The following DEFB131A variants were observed in gnomAD, a reference collection of about 807,000 sequenced individuals.
DEFB131A encodes the protein beta-defensin 131A.
In DEFB131A, 5 loss-of-function variants were observed where a neutral mutation model predicts 2.4. That is an observed-to-expected ratio of 2.12 (90% CI 1.11 to 4.47). The LOEUF is 4.47. Ranked by LOEUF, DEFB131A falls within the 30% of genes most tolerant of loss-of-function variation. The pLI is 0.00. For synonymous variants in DEFB131A, 34 were observed against 25.7 expected, an observed-to-expected ratio of 1.32 and a Z score of -0.97; for missense variants, 120 against 79.9, an observed-to-expected ratio of 1.50 and a Z score of -1.91.
intron 1 of DEFB131A, 40 bp downstream of exon 1, chr4:9,444,631 T>C: frequency 6.3e-7 from 1 of 1,588,950 alleles, no homozygotes; most frequent in Non-Finnish European, 8.6e-7. Flanking sequence ...TCTAAAAATA[T>C]AAGTAAAAGA....
chr4:9,450,054 G>A (rs1296893841), intron 1 of DEFB131A, among the ~76,000 whole-genome samples: 13 of 151,998 alleles, frequency 8.6e-5, no homozygotes, highest in East Asian at 5.8e-4. Flanking sequence ...ATTATTTCCT[G>A]CATTATGAAT....
Position 9,450,598 on chromosome 4 carries a change from T to A in DEFB131A, c.*84T>A, listed in dbSNP as rs187067236. On this transcript the variant is annotated 3_prime_UTR_variant, in exon 2 of 2. Coordinates refer to ENST00000334879, the MANE Select transcript of DEFB131A (RefSeq NM_001040448.3). ...ATCTATGAATAATTAACATGATAGATGAAAATTATTATAATTGCATGTTTA... is the reference window on the plus strand; with the variant it reads ...ATCTATGAATAATTAACATGATAGAAGAAAATTATTATAATTGCATGTTTA... 517 of 1,499,988 alleles carry A rather than the reference T, an allele frequency of 3.4e-4. 3 individuals carry two copies. The African/African-American group carries it at 6.4e-3, about 19-fold the overall frequency. The allele number at this position is 1,499,988 out of a possible 1,614,324, so 92.9% of individuals were successfully genotyped here. A position where few individuals can be genotyped will look rare whatever the true frequency, so the allele number is the denominator to read the frequency against.
At chr4:9,450,228 C>A in intron 1 of DEFB131A, 132 bp from the exon 2 acceptor site, 2 of 1,085,308 alleles carry the variant, frequency 1.8e-6, no homozygotes, top group Non-Finnish European at 2.4e-6. Flanking sequence ...TTTTCTCTTG[C>A]ATTTTTTGCT....
intron 1 of DEFB131A, 143 bp from the exon 2 acceptor site, chr4:9,450,217 G>A (rs1220702043): frequency 3.7e-5 from 37 of 987,808 alleles, no homozygotes; most frequent in Middle Eastern, 3.6e-4. Flanking sequence ...GCATCTCCAC[G>A]TTTTCTCTTG....
intron 1 of DEFB131A, among the ~76,000 whole-genome samples, chr4:9,444,796 C>A (rs1389187942): frequency 2.0e-5 from 3 of 151,880 alleles, no homozygotes; most frequent in South Asian, 2.1e-4. Flanking sequence ...TCACTTGAGG[C>A]CGGGCACAGT....
chr4:9,447,161 T>A (rs1172613837), intron 1 of DEFB131A, among the ~76,000 whole-genome samples: 1 of 152,212 alleles, frequency 6.6e-6, no homozygotes, highest in Non-Finnish European at 1.5e-5. Flanking sequence ...ACCTAGATGA[T>A]CTGTTCAATG....
intron 1 of DEFB131A, among the ~76,000 whole-genome samples, chr4:9,445,865 T>C (rs1408078105): frequency 6.6e-6 from 1 of 152,172 alleles, no homozygotes; most frequent in Non-Finnish European, 1.5e-5. Context: ...GATCTAATTT[T>C]TGTCTCTATG....
chr4:9,448,620 A>C (rs1717567701), intron 1 of DEFB131A, among the ~76,000 whole-genome samples: 1 of 152,220 alleles, frequency 6.6e-6, no homozygotes. Context: ...CACCGCACCC[A>C]GCCTACCCTT....
intron 1 of DEFB131A, among the ~76,000 whole-genome samples, chr4:9,449,500 G>T: frequency 6.7e-6 from 1 of 150,258 alleles, no homozygotes; most frequent in African/African-American, 2.4e-5. Context: ...ACATGCAAAA[G>T]AATAAAACTG....
intron 1 of DEFB131A, among the ~76,000 whole-genome samples, chr4:9,444,999 G>C (rs138399907): frequency 6.6e-6 from 1 of 151,956 alleles, no homozygotes; most frequent in Non-Finnish European, 1.5e-5. Flanking sequence ...AGGATCGCTC[G>C]AGCCTGAGAT....
At chr4:9,450,286 A>G (rs771609335) in intron 1 of DEFB131A, 74 bp from the exon 2 acceptor site, 34 of 1,332,270 alleles carry the variant, frequency 2.6e-5, no homozygotes, top group Non-Finnish European at 3.2e-5. Flanking sequence ...TTAATTTATT[A>G]TAAAACATTT....
chr4:9,450,657 A>T lies in DEFB131A; in HGVS notation c.*143A>T, dbSNP rs115636025. On this transcript the variant is annotated 3_prime_UTR_variant, in exon 2 of 2. Coordinates refer to ENST00000334879, the MANE Select transcript of DEFB131A (RefSeq NM_001040448.3). The stretch of plus-strand genomic sequence containing the variant: ...GGTGAAAATGAATATAAATTTTATA[A>T]ATGCTTCCACTCTATTTTCATTTGT... The T allele has an allele frequency of 0.022, 27,970 of 1,252,068 alleles. 471 individuals carry two copies. The highest frequency in any genetic ancestry group is 0.052 in the South Asian group (3,459 of 66,326). 77.6% of individuals were successfully genotyped at this position (1,252,068 alleles called of 1,614,324 possible). A position where few individuals can be genotyped will look rare whatever the true frequency, so the allele number is the denominator to read the frequency against.
Position 9,450,369 on chromosome 4 carries a change from T to G in DEFB131A, c.68T>G (p.Phe23Cys), listed in dbSNP as rs200596265. The change falls in exon 2 of 2, where the codon TTC becomes TGC. Residue 23 changes from phenylalanine to cysteine, a missense_variant. By Grantham distance (205) the Phe-to-Cys change is radical. Transcript: ENST00000334879. ...LMFTVPPARS[F>C]ISNDECPSEY... ...TCTTCTCTTTTTAAAGCCAGAAGCT[T>G]CATTTCTAATGATGAATGTCCTTCA... The G allele has an allele frequency of 5.2e-5, 82 of 1,564,610 alleles. No homozygotes were observed. The highest frequency in any genetic ancestry group is 6.8e-5 in the Non-Finnish European group (78 of 1,154,462).
At chr4:9,450,141 C>A (rs1479575767) in intron 1 of DEFB131A, among the ~76,000 whole-genome samples, 2 of 152,142 alleles carry the variant, frequency 1.3e-5, no homozygotes, top group South Asian at 2.1e-4. Context: ...AAATTCTGTG[C>A]ATTTCCAGCT....
At position 9,445,021 on chromosome 4, in the gene DEFB131A, A is replaced by G. The variant is rs1264511258; in HGVS notation, c.58+430A>G. On this transcript the variant is annotated intron_variant, in intron 1 of 1. Transcript: ENST00000334879. ...CTCGAGCCTGAGATGTCAAGGCTGC[A>G]TTCAGCTTAGGTCATGCCACTGCAC... 2.6e-5 allele frequency among the ~76,000 whole-genome samples: 4 copies of G among 152,150 alleles called. 1 individual carries two copies. Among genetic ancestry groups the G allele is most frequent in the African/African-American group, 9.7e-5 (4 of 41,440 alleles).
chr4:9,449,567 C>G (rs1717598385), intron 1 of DEFB131A, among the ~76,000 whole-genome samples: 1 of 151,470 alleles, frequency 6.6e-6, no homozygotes, highest in Non-Finnish European at 1.5e-5. Flanking sequence ...CACATTTAAA[C>G]ATAATTACCT....
intron 1 of DEFB131A, among the ~76,000 whole-genome samples, chr4:9,448,744 G>A (rs1475012656): frequency 6.6e-6 from 1 of 152,150 alleles, no homozygotes; most frequent in Non-Finnish European, 1.5e-5. Context: ...ACTCAATGGT[G>A]AAAAACTAAA....
intron 1 of DEFB131A, among the ~76,000 whole-genome samples, chr4:9,447,976 A>G (rs1292454886): frequency 6.6e-6 from 1 of 152,114 alleles, no homozygotes; most frequent in East Asian, 1.9e-4. Flanking sequence ...GGAACAATAT[A>G]TGTGTAATGA....
intron 1 of DEFB131A, among the ~76,000 whole-genome samples, 162 bp from the exon 2 acceptor site, chr4:9,450,198 C>T (rs754515080): frequency 2.6e-5 from 4 of 152,184 alleles, no homozygotes; most frequent in Non-Finnish European, 5.9e-5. Context: ...CATCGCTTGT[C>T]TTTATTCAGC....
Sources: gnomAD v4.1 joint callset for allele counts (sites outside exome capture counted in the v4.1 genomes callset) on GRCh38, gnomAD v4.1.1 for gene constraint, MANE v1.5 for transcripts, NCBI Gene and HGNC (gene_info 2026-07-23, HGNC 2026-07-21) for gene names.